Variants in KIF7 observed in about 807,000 individuals in gnomAD.
KIF7 encodes kinesin-like protein KIF7.
KIF7 carries 104 observed loss-of-function variants against 135.7 expected under a neutral mutation model. The observed-to-expected ratio is 0.77, with a 90% confidence interval of 0.65 to 0.90. KIF7 has a LOEUF of 0.90. Ranked by LOEUF, KIF7 falls within the 40% of genes least tolerant of loss-of-function variation. KIF7 has a pLI of 0.00. For missense variants in KIF7, 2,005 were observed against 1,839.1 expected (o/e 1.09, Z -1.65); for synonymous variants, 883 against 809.4 (o/e 1.09, Z -1.54).
intron 7 of KIF7, among the ~76,000 whole-genome samples, chr15:89,646,627 T>C (rs1157668538): frequency 2.6e-5 from 4 of 152,172 alleles, no homozygotes; most frequent in African/African-American, 9.7e-5. Context: ...GGATGCCCGA[T>C]GGCACTGCAC....
downstream of KIF7, chr15:89,625,250 G>A (rs369317488): frequency 6.2e-6 from 10 of 1,613,124 alleles, no homozygotes; most frequent in African/African-American, 1.1e-4. Flanking sequence ...TGCCAGGCCT[G>A]TACCCCCACC....
At chr15:89,653,598 G>C (rs1352866641) in intron 1 of KIF7, among the ~76,000 whole-genome samples, 1 of 152,080 alleles carries the variant, frequency 6.6e-6, no homozygotes, top group Non-Finnish European at 1.5e-5. Context: ...TTCTTCTTGA[G>C]ACAGGGTCTC....
chr15:89,652,700 G>T lies in KIF7; in HGVS notation c.231C>A (p.Pro77=). Reference sequence around the variant, plus strand: ...AGCCCTCGAAGAAGGCCTCAAGGAGGGGCTGAACGCAGGCCTGGTACACGG... The same window carrying T: ...AGCCCTCGAAGAAGGCCTCAAGGAGTGGCTGAACGCAGGCCTGGTACACGG... The part of the protein sequence containing the change: ...QEAVYQACVQ[P]LLEAFFEGFN... The change falls in exon 2 of 19, where the codon CCC becomes CCA. Residue 77 remains proline (P), a synonymous_variant. Transcript: ENST00000394412. 2 of 1,551,804 alleles carry T rather than the reference G, an allele frequency of 1.3e-6. No individual in the cohort carries two copies. The highest frequency in any genetic ancestry group is 2.4e-5 in the South Asian group (2 of 84,056).
chr15:89,658,522 GA>G, upstream of KIF7, among the ~76,000 whole-genome samples: 1 of 151,946 alleles, frequency 6.6e-6, no homozygotes, highest in African/African-American at 2.4e-5. Context: ...CCACGTGGAA[GA>G]AAAAAATTGG....
intron 1 of KIF7, chr15:89,619,941 A>G: frequency 2.8e-6 from 4 of 1,427,374 alleles, no homozygotes; most frequent in Non-Finnish European, 3.8e-6. Context: ...CTTTCTTGAC[A>G]TTGGAGAAGT....
chr15:89,642,276 A>T lies in KIF7; in HGVS notation c.2321T>A (p.Leu774His), dbSNP rs762864604. Residue 774 changes from leucine (L) to histidine (H), a missense_variant, in exon 11 of 19, where the codon CTC becomes CAC. Coordinates refer to ENST00000394412, the MANE Select transcript of KIF7 (RefSeq NM_198525.3). Reference protein sequence around the residue: ...RQLRELEGKELQDAGERSRLQ... With the variant: ...RQLRELEGKEHQDAGERSRLQ... ...CCGAGACCGCTCGCCAGCATCCTGG[A>T]GCTCCTTGCCCTCGAGCTCCCGCAG... 1 of 1,610,116 alleles carries T rather than the reference A, an allele frequency of 6.2e-7. No individual in the cohort carries two copies. Among genetic ancestry groups the T allele is most frequent in the Non-Finnish European group, 8.5e-7 (1 of 1,179,690 alleles).
At chr15:89,643,661 C>T (rs780662684) in intron 10 of KIF7, among the ~76,000 whole-genome samples, 1 of 152,106 alleles carries the variant, frequency 6.6e-6, no homozygotes, top group Non-Finnish European at 1.5e-5. Context: ...CTGAGGTGAG[C>T]GGATCACGAG....
chr15:89,659,453 G>GAGAAAGAAAGAAAAA (rs971367600), upstream of KIF7, among the ~76,000 whole-genome samples: 8 of 143,456 alleles, frequency 5.6e-5, no homozygotes, highest in Non-Finnish European at 1.2e-4. Flanking sequence ...GAAAGAGAGA[G>GAGAAAGAAAGAAAAA]AGAAAGAAAG....
At chr15:89,647,142 A>G (rs774790737) in intron 6 of KIF7, 85 bp from the exon 7 acceptor site, 19 of 1,166,240 alleles carry the variant, frequency 1.6e-5, no homozygotes, top group Non-Finnish European at 2.3e-5. Flanking sequence ...GTCTGAGGCC[A>G]CTCCACCGTC....
chr15:89,632,870 G>C lies in KIF7; in HGVS notation c.2845C>G (p.Leu949Val), dbSNP rs749134116. The C allele has an allele frequency of 2.5e-6, 4 of 1,610,122 alleles. No homozygotes were observed. The highest frequency in any genetic ancestry group is 3.4e-6 in the Non-Finnish European group (4 of 1,179,898). Residue 949 changes from leucine (L) to valine (V), a missense_variant, in exon 14 of 19, where the codon CTG (leucine) becomes GTG (valine). Physicochemically the swap from Leu to Val is conservative, Grantham distance 32. Transcript: ENST00000394412. ...TCCAGCCCCGTCTTCTCCTGCATCAGGGCCTCCTTCTTGGCCAGGATGGCC... is the reference window on the plus strand; with the variant it reads ...TCCAGCCCCGTCTTCTCCTGCATCACGGCCTCCTTCTTGGCCAGGATGGCC... ...REAILAKKEA[L>V]MQEKTGLESK...
chr15:89,633,629 C>T lies in KIF7; in HGVS notation c.2592+57G>A, dbSNP rs1963733939. On this transcript the variant is annotated intron_variant, in intron 12 of 18. Coordinates refer to ENST00000394412, the MANE Select transcript of KIF7 (RefSeq NM_198525.3). ...CCCTGCCTGGGCTCCCCTGGCTGGGCCGCCAGCTCAGCCTATTGGCCTGGA... is the reference window on the plus strand; with the variant it reads ...CCCTGCCTGGGCTCCCCTGGCTGGGTCGCCAGCTCAGCCTATTGGCCTGGA... 3.2e-6 allele frequency: 5 copies of T among 1,574,504 alleles called. No homozygotes were observed. The Admixed American group carries it at 5.3e-5, about 17-fold the overall frequency.
intron 11 of KIF7, among the ~76,000 whole-genome samples, chr15:89,637,094 A>G (rs1299815454): frequency 2.0e-5 from 2 of 100,310 alleles, no homozygotes; most frequent in African/African-American, 8.1e-5. Flanking sequence ...GTACATAACG[A>G]AATGAAGGCA....
intron 13 of KIF7, 27 bp from the exon 14 acceptor site, chr15:89,633,023 G>GGAGGGAGA (rs766183439): frequency 1.3e-6 from 2 of 1,588,044 alleles, no homozygotes; most frequent in African/African-American, 2.7e-5. Context: ...AGGGAGGGAG[G>GGAGGGAGA]GAACTCAGGG....
intron 1 of KIF7, chr15:89,621,476 T>G (rs1159855370): frequency 6.2e-7 from 1 of 1,614,096 alleles, no homozygotes; most frequent in South Asian, 1.1e-5. Flanking sequence ...GATCAGCCCC[T>G]CAGAAAAGGG....
At chr15:89,656,188 A>G (rs928734004), upstream of KIF7, among the ~76,000 whole-genome samples, 1 of 152,110 alleles carries the variant, frequency 6.6e-6, no homozygotes, top group African/African-American at 2.4e-5. Context: ...GGCTCGTCAG[A>G]TAGATCTATA....
In KIF7 at chr15:89,648,574, G is replaced by A. The variant is rs557460012; in HGVS notation, c.1124C>T (p.Pro375Leu). 6 of 1,492,250 alleles carry A rather than the reference G, an allele frequency of 4.0e-6. No individual in the cohort carries two copies. The South Asian group carries it at 4.9e-5, about 12-fold the overall frequency. 92.4% of individuals were successfully genotyped at this position (1,492,250 alleles called of 1,614,324 possible). A position where few individuals can be genotyped will look rare whatever the true frequency, so the allele number is the denominator to read the frequency against. ...GCGGGTCTCGGAGCGGTGCCGTGGCGGACCCCGCGCGCCGCTCGCCGTCTC... is the reference window on the plus strand; with the variant it reads ...GCGGGTCTCGGAGCGGTGCCGTGGCAGACCCCGCGCGCCGCTCGCCGTCTC... ...PEETASGARG[P>L]PRHRSETRII... The change falls in exon 5 of 19, where the codon CCG (proline) becomes CTG (leucine). Residue 375 changes from proline to leucine, a missense_variant. Transcript: ENST00000394412.
chr15:89,622,671 G>A (rs1160936041), intron 1 of KIF7, among the ~76,000 whole-genome samples: 8 of 152,262 alleles, frequency 5.3e-5, no homozygotes, highest in Admixed American at 2.6e-4. Flanking sequence ...AGGGTCTTCC[G>A]TGGTCTGTTC....
intron 5 of KIF7, 117 bp from the exon 6 acceptor site, chr15:89,647,829 G>GAACTCCAGACCCACTGGTGGGAGGA: frequency 2.3e-6 from 2 of 859,394 alleles, no homozygotes; most frequent in Non-Finnish European, 3.6e-6. Flanking sequence ...CCTGCAGTGG[G>GAACTCCAGACCCACTGGTGGGAGGA]AACTCCAGAC....
downstream of KIF7, among the ~76,000 whole-genome samples, chr15:89,626,468 A>G (rs1043171587): frequency 2.0e-5 from 3 of 152,168 alleles, no homozygotes; most frequent in African/African-American, 7.2e-5. Context: ...CTGTAGTTAT[A>G]ATCAGCCTGC....
Sources: gnomAD v4.1 joint callset for allele counts (sites outside exome capture counted in the v4.1 genomes callset) on GRCh38, gnomAD v4.1.1 for gene constraint, MANE v1.5 for transcripts, NCBI Gene and HGNC (gene_info 2026-07-23, HGNC 2026-07-21) for gene names.